UNC5B: variants seen among roughly 807,000 people sequenced by gnomAD.
The protein encoded by UNC5B is netrin receptor UNC5B.
A neutral mutation model predicts 103.7 loss-of-function variants in UNC5B; 56 were observed. That is an observed-to-expected ratio of 0.54 (90% CI 0.44 to 0.67). UNC5B has a LOEUF of 0.67. Among genes scored for constraint, UNC5B ranks in the 30% least tolerant of loss-of-function variants. UNC5B has a pLI of 0.00. For synonymous variants in UNC5B, 577 were observed against 542.0 expected (o/e 1.06, Z -0.90); for missense variants, 1,194 against 1,284.5 (o/e 0.93, Z 1.08).
At chr10:71,256,640 C>G (rs947761144) in intron 1 of UNC5B, among the ~76,000 whole-genome samples, 16 of 152,340 alleles carry the variant, frequency 1.1e-4, no homozygotes, top group African/African-American at 3.8e-4. Context: ...AGCCCAGTCC[C>G]CAGACTGGCT....
At chr10:71,254,688 C>A (rs1375483814) in intron 1 of UNC5B, among the ~76,000 whole-genome samples, 1 of 152,248 alleles carries the variant, frequency 6.6e-6, no homozygotes, top group African/African-American at 2.4e-5. Context: ...GAGAGGCCTT[C>A]CTGTGGCAAC....
intron 1 of UNC5B, among the ~76,000 whole-genome samples, chr10:71,232,452 G>A (rs936277118): frequency 6.6e-6 from 1 of 152,260 alleles, no homozygotes; most frequent in East Asian, 1.9e-4. Flanking sequence ...TGAGCTGGTG[G>A]CCCAGCCCCG....
chr10:71,280,481 A>G (rs369600231), intron 2 of UNC5B, among the ~76,000 whole-genome samples: 14 of 152,256 alleles, frequency 9.2e-5, no homozygotes, highest in African/African-American at 3.1e-4. Context: ...ATGATATGGC[A>G]TTTCCTGTGT....
intron 1 of UNC5B, among the ~76,000 whole-genome samples, chr10:71,267,728 TC>T (rs891646308): frequency 6.6e-6 from 1 of 152,202 alleles, no homozygotes; most frequent in African/African-American, 2.4e-5. Context: ...ACCATCTGCC[TC>T]CCTTGAAGTG....
chr10:71,253,549 G>C (rs1844223693), intron 1 of UNC5B, among the ~76,000 whole-genome samples: 1 of 152,222 alleles, frequency 6.6e-6, no homozygotes. Flanking sequence ...TGACCACAGT[G>C]GGGGTGGGGT....
In UNC5B at chr10:71,302,322, G is replaced by C. The variant is rs1402098820; in HGVS notation, c.*3045G>C. The stretch of plus-strand genomic sequence containing the variant: ...ATGCTTTTCTCTGTGGGCACATCAG[G>C]ATGCCCCTCGGAGAGCATGTGCACG... On this transcript the variant is annotated 3_prime_UTR_variant, in exon 17 of 17. Coordinates refer to ENST00000335350, the MANE Select transcript of UNC5B (RefSeq NM_170744.5). 2 of 152,258 alleles carry C rather than the reference G, an allele frequency of 1.3e-5. No individual in the cohort carries two copies. The highest frequency in any genetic ancestry group is 3.9e-4 in the East Asian group (2 of 5,190). 9.4% of individuals were successfully genotyped at this position (152,258 alleles called of 1,614,324 possible).
Position 71,298,006 on chromosome 10 carries a change from G to T in UNC5B, c.2588G>T (p.Arg863Leu). The T allele has an allele frequency of 1.2e-6, 2 of 1,613,870 alleles. No homozygotes were observed. The highest frequency in any genetic ancestry group is 1.7e-6 in the Non-Finnish European group (2 of 1,180,010). The change falls in exon 16 of 17, where the codon CGC (arginine) becomes CTC (leucine). Residue 863 changes from arginine (R) to leucine (L), a missense_variant. Coordinates refer to ENST00000335350, the MANE Select transcript of UNC5B (RefSeq NM_170744.5). ...GCCTTCAAGATCCCACTGTCCATCCGCCAGAAGATATGCAACAGCCTAGAT... is the reference window on the plus strand; with the variant it reads ...GCCTTCAAGATCCCACTGTCCATCCTCCAGAAGATATGCAACAGCCTAGAT... ...PYAFKIPLSI[R>L]QKICNSLDAP...
At chr10:71,274,385 A>C (rs1042850652) in intron 1 of UNC5B, among the ~76,000 whole-genome samples, 3 of 152,138 alleles carry the variant, frequency 2.0e-5, no homozygotes, top group African/African-American at 7.2e-5. Context: ...AAAATAAAAT[A>C]GAAATTAGAA....
At chr10:71,226,285 G>A (rs1191402364) in intron 1 of UNC5B, among the ~76,000 whole-genome samples, 1 of 152,290 alleles carries the variant, frequency 6.6e-6, no homozygotes, top group East Asian at 1.9e-4. Flanking sequence ...AAGTTGGCCA[G>A]GCTGGTCTCA....
At chr10:71,263,026 G>A (rs913499426) in intron 1 of UNC5B, among the ~76,000 whole-genome samples, 1 of 152,216 alleles carries the variant, frequency 6.6e-6, no homozygotes, top group African/African-American at 2.4e-5. Flanking sequence ...GGCTCTCTGG[G>A]GAAGTGAACT....
Position 71,288,534 on chromosome 10 carries a change from C to T in UNC5B, c.902-34C>T, listed in dbSNP as rs375516947. On this transcript the variant is annotated intron_variant, in intron 6 of 16. Coordinates refer to ENST00000335350, the MANE Select transcript of UNC5B (RefSeq NM_170744.5). ...ATAACTATGTGTGCACATGTCTCTG[C>T]GTGCACATGCTCCTGTATGCCATGC... 2.6e-4 allele frequency: 416 copies of T among 1,597,774 alleles called. 1 individual carries two copies. In the Middle Eastern group the frequency reaches 6.4e-3, roughly 24 times the overall value.
chr10:71,237,427 G>A (rs1843797698), intron 1 of UNC5B, among the ~76,000 whole-genome samples: 1 of 152,162 alleles, frequency 6.6e-6, no homozygotes, highest in African/African-American at 2.4e-5. Flanking sequence ...CAGTGCTTGG[G>A]CATTTTTGGA....
intron 1 of UNC5B, among the ~76,000 whole-genome samples, chr10:71,228,473 A>G (rs1296900263): frequency 6.6e-6 from 1 of 152,260 alleles, no homozygotes; most frequent in Admixed American, 6.5e-5. Context: ...TATGCCACAG[A>G]CGAAGGGCTG....
chr10:71,233,882 C>T (rs1843727048), intron 1 of UNC5B, among the ~76,000 whole-genome samples: 1 of 152,274 alleles, frequency 6.6e-6, no homozygotes, highest in South Asian at 2.1e-4. Context: ...CCAGCCCACT[C>T]TAACTGCTCT....
At chr10:71,252,968 G>A (rs2132272301) in intron 1 of UNC5B, among the ~76,000 whole-genome samples, 1 of 152,302 alleles carries the variant, frequency 6.6e-6, no homozygotes, top group East Asian at 1.9e-4. Flanking sequence ...AGGGACAGGA[G>A]GAGAGAAGAG....
intron 11 of UNC5B, 49 bp from the exon 12 acceptor site, chr10:71,293,356 C>G: frequency 1.3e-6 from 2 of 1,561,598 alleles, no homozygotes; most frequent in East Asian, 2.3e-5. Flanking sequence ...GAGCCTGCAC[C>G]TTTGCCGAGC....
At chr10:71,219,763 G>A (rs1308400077) in intron 1 of UNC5B, among the ~76,000 whole-genome samples, 1 of 152,352 alleles carries the variant, frequency 6.6e-6, no homozygotes, top group African/African-American at 2.4e-5. Context: ...CTCTAGAAAT[G>A]TTAAGTGGCA....
intron 2 of UNC5B, among the ~76,000 whole-genome samples, chr10:71,282,042 CTG>C (rs1380615856): frequency 6.6e-6 from 1 of 152,036 alleles, no homozygotes; most frequent in Admixed American, 6.5e-5. Flanking sequence ...AATAATAACC[CTG>C]TGATTATTAC....
In UNC5B at chr10:71,213,030, G is replaced by A; in HGVS notation, c.45G>A (p.Leu15=). 7.0e-7 allele frequency: 1 copy of A among 1,422,898 alleles called. No individual in the cohort carries two copies. The highest frequency in any genetic ancestry group is 9.2e-7 in the Non-Finnish European group (1 of 1,082,596). 88.1% of individuals were successfully genotyped at this position (1,422,898 alleles called of 1,614,324 possible). ...SGARGALLLA[L]LLCWDPRLSQ... ...CTCGGGGCGCGCTGCTGCTGGCACT[G>A]CTGCTCTGCTGGGACCCGAGGCTGA... The change falls in exon 1 of 17, where the codon CTG becomes CTA. Residue 15 remains leucine, a synonymous_variant. Coordinates refer to ENST00000335350, the MANE Select transcript of UNC5B (RefSeq NM_170744.5). This position sits in a 1 kb window ranked among gnomAD's most constrained non-coding sequence, Gnocchi z 4.1.
Sources: allele counts gnomAD v4.1 joint callset (sites outside exome capture counted in the v4.1 genomes callset), GRCh38; gene constraint gnomAD v4.1.1; non-coding constraint Gnocchi (gnomAD v3.1); transcripts MANE v1.5; gene names NCBI Gene and HGNC (gene_info 2026-07-23, HGNC 2026-07-21).